Variants in DOCK10 observed in about 807,000 individuals in gnomAD.
DOCK10 encodes dedicator of cytokinesis protein 10.
In DOCK10, 145 loss-of-function variants were observed where a neutral mutation model predicts 280.1. The ratio of observed to expected loss-of-function variants is 0.52; its 90% CI spans 0.45 to 0.59. The LOEUF (loss-of-function observed/expected upper bound fraction) is 0.59. DOCK10 is among the 20% of genes least tolerant of loss of function. DOCK10 has a pLI of 0.00. For missense variants in DOCK10, 2,368 were observed against 2,651.7 expected (o/e 0.89, Z 2.35); for synonymous variants, 915 against 942.2 (o/e 0.97, Z 0.53).
intron 1 of DOCK10, among the ~76,000 whole-genome samples, chr2:224,992,418 T>C (rs1208303017): frequency 6.6e-6 from 1 of 152,228 alleles, no homozygotes; most frequent in Non-Finnish European, 1.5e-5. Flanking sequence ...AATTTTACAT[T>C]ATTTGCCAGG....
At chr2:224,769,397 T>A (rs1559355912) in intron 55 of DOCK10, among the ~76,000 whole-genome samples, 1 of 152,326 alleles carries the variant, frequency 6.6e-6, no homozygotes, top group East Asian at 1.9e-4. Context: ...ACAAAGGAAA[T>A]GCATATTCAG....
intron 1 of DOCK10, among the ~76,000 whole-genome samples, chr2:224,980,782 A>AG (rs1476440221): frequency 7.9e-5 from 12 of 152,194 alleles, no homozygotes; most frequent in African/African-American, 2.9e-4. Context: ...CAGCTGTGTA[A>AG]TGTTAAGATA....
At chr2:224,862,286 G>A (rs1330497128) in intron 14 of DOCK10, 1 of 163,670 alleles carries the variant, frequency 6.1e-6, no homozygotes, top group African/African-American at 2.4e-5. Context: ...AGCTGCATAA[G>A]AAATTACAGT....
chr2:224,838,432 A>T (rs1695731644), intron 24 of DOCK10, among the ~76,000 whole-genome samples: 1 of 152,180 alleles, frequency 6.6e-6, no homozygotes, highest in South Asian at 2.1e-4. Flanking sequence ...AGTGCTTAGG[A>T]ATATCTCAGA....
chr2:224,855,383 A>G (rs1048389394), intron 15 of DOCK10, among the ~76,000 whole-genome samples: 1 of 152,246 alleles, frequency 6.6e-6, no homozygotes, highest in African/African-American at 2.4e-5. Context: ...ACAAAAGCTA[A>G]TAGTATTTAA....
intron 50 of DOCK10, among the ~76,000 whole-genome samples, chr2:224,778,975 A>G (rs779946896): frequency 1.3e-5 from 2 of 152,202 alleles, no homozygotes; most frequent in African/African-American, 2.4e-5. Flanking sequence ...ACATTATAGG[A>G]TTAAAAATAG....
Position 224,955,598 on chromosome 2 carries a change from G to A in DOCK10, c.124-23930C>T, listed in dbSNP as rs114571136. 6.9e-3 allele frequency among the ~76,000 whole-genome samples: 1,051 copies of A among 152,354 alleles called. 13 individuals are homozygous for A. Among genetic ancestry groups the A allele is most frequent in the African/African-American group, 0.024 (990 of 41,578 alleles). ...TTTAAGGCCTCCACCAGGAGATAAA[G>A]CTAATACAATACTTTGATTTAAGTG... On this transcript the variant is annotated intron_variant, in intron 1 of 55. Coordinates refer to ENST00000258390, the MANE Select transcript of DOCK10 (RefSeq NM_014689.3).
chr2:224,974,320 T>A (rs1326543961), intron 1 of DOCK10, among the ~76,000 whole-genome samples: 1 of 152,142 alleles, frequency 6.6e-6, no homozygotes, highest in Non-Finnish European at 1.5e-5. Context: ...CAGAATGAAA[T>A]AGATTTGGAA....
chr2:224,954,902 G>A (rs1323264623), intron 1 of DOCK10, among the ~76,000 whole-genome samples: 3 of 152,170 alleles, frequency 2.0e-5, no homozygotes, highest in Non-Finnish European at 4.4e-5. Flanking sequence ...TTCCACAAAT[G>A]ATCAGGTGAA....
chr2:224,978,522 T>C (rs1165153359), intron 1 of DOCK10, among the ~76,000 whole-genome samples: 1 of 152,168 alleles, frequency 6.6e-6, no homozygotes, highest in Non-Finnish European at 1.5e-5. Context: ...CTCTGGTAGA[T>C]GGAATTTCCT....
chr2:224,890,223 A>G (rs925237574), intron 4 of DOCK10, among the ~76,000 whole-genome samples: 1 of 152,188 alleles, frequency 6.6e-6, no homozygotes, highest in Admixed American at 6.5e-5. Flanking sequence ...CCAAAAGAAT[A>G]ATTTTGTAGG....
intron 45 of DOCK10, 114 bp from the exon 46 acceptor site, chr2:224,793,571 T>C: frequency 2.9e-6 from 2 of 685,416 alleles, no homozygotes; most frequent in Non-Finnish European, 4.7e-6. Flanking sequence ...GGATCCTTTG[T>C]AATCACCAAA....
Position 224,797,964 on chromosome 2 carries a change from T to C in DOCK10, c.4512A>G (p.Gln1504=), listed in dbSNP as rs769292268. 2 of 1,612,682 alleles carry C rather than the reference T, an allele frequency of 1.2e-6. No individual in the cohort carries two copies. The highest frequency in any genetic ancestry group is 1.7e-6 in the Non-Finnish European group (2 of 1,179,458). The change falls in exon 42 of 56, where the codon CAA becomes CAG. Residue 1504 remains glutamine (Q), a synonymous_variant. Transcript: ENST00000258390. ...LSLFTQTHQR[Q]LQQCDCQNSL... ...AATTTTGACAGTCACATTGTTGGAGTTGTCTCTGGAAATTCAATGCAGATG... is the reference window on the plus strand; with the variant it reads ...AATTTTGACAGTCACATTGTTGGAGCTGTCTCTGGAAATTCAATGCAGATG...
At position 225,021,962 on chromosome 2, in the gene DOCK10, A is replaced by G. The variant is rs181239148; in HGVS notation, c.123+20290T>C. On this transcript the variant is annotated intron_variant, in intron 1 of 55. Coordinates refer to ENST00000258390, the MANE Select transcript of DOCK10 (RefSeq NM_014689.3). ...TAAGGTGATAAATATTTTCACTTCA[A>G]TAAGTTATTTATAATGGACTTCTGG... 3.7e-4 allele frequency among the ~76,000 whole-genome samples: 56 copies of G among 152,312 alleles called. No homozygotes were observed. The East Asian group carries it at 6.0e-3, about 16-fold the overall frequency.
rs189056855 is a variant in DOCK10 at position 224,994,929 on chromosome 2, G to A, written c.123+47323C>T. ...TCAGGAATTCAGGAGTGGCATAGATGTGTAGTTCTGGCTCAAGTGTTTCCT... is the reference window on the plus strand; with the variant it reads ...TCAGGAATTCAGGAGTGGCATAGATATGTAGTTCTGGCTCAAGTGTTTCCT... On this transcript the variant is annotated intron_variant, in intron 1 of 55. Coordinates refer to ENST00000258390, the MANE Select transcript of DOCK10 (RefSeq NM_014689.3). 2.7e-3 allele frequency among the ~76,000 whole-genome samples: 407 copies of A among 152,346 alleles called. 1 individual carries two copies. The highest frequency in any genetic ancestry group is 4.3e-3 in the Non-Finnish European group (293 of 68,030).
At chr2:224,847,152 C>T (rs560013954) in intron 19 of DOCK10, among the ~76,000 whole-genome samples, 3 of 152,166 alleles carry the variant, frequency 2.0e-5, no homozygotes, top group Non-Finnish European at 4.4e-5. Flanking sequence ...GAATGAAGGG[C>T]ATACTCCCTA....
intron 53 of DOCK10, among the ~76,000 whole-genome samples, chr2:224,771,391 A>C (rs1273482325): frequency 6.6e-6 from 1 of 152,258 alleles, no homozygotes; most frequent in Admixed American, 6.5e-5. Flanking sequence ...TACTATTATG[A>C]AGGGATAATC....
intron 19 of DOCK10, among the ~76,000 whole-genome samples, chr2:224,847,534 T>C (rs1056075904): frequency 2.0e-5 from 3 of 152,218 alleles, no homozygotes; most frequent in Non-Finnish European, 4.4e-5. Context: ...TGAGAAAGAT[T>C]AAAACAGTTA....
intron 2 of DOCK10, among the ~76,000 whole-genome samples, chr2:224,916,992 C>G (rs559977915): frequency 6.6e-6 from 1 of 151,724 alleles, no homozygotes; most frequent in Non-Finnish European, 1.5e-5. Flanking sequence ...ATTTTTACAA[C>G]AGTTACTGTT....
Sources: allele counts gnomAD v4.1 joint callset (sites outside exome capture counted in the v4.1 genomes callset), GRCh38; gene constraint gnomAD v4.1.1; transcripts MANE v1.5; gene names NCBI Gene and HGNC (gene_info 2026-07-23, HGNC 2026-07-21).